WAPL: variants seen among roughly 807,000 people sequenced by gnomAD.
WAPL encodes the protein WAPL cohesin release factor.
WAPL carries 5 observed loss-of-function variants against 121.0 expected under a neutral mutation model. The ratio of observed to expected loss-of-function variants is 0.04; its 90% CI spans 0.02 to 0.09. WAPL has a LOEUF of 0.09. Among genes scored for constraint, WAPL ranks in the 10% least tolerant of loss-of-function variants. The probability of loss-of-function intolerance (pLI) is 1.00; values close to 1 mark genes in which losing one functional copy is unlikely to be tolerated. For missense variants in WAPL, 999 were observed against 1,410.8 expected (o/e 0.71, Z 4.68); for synonymous variants, 480 against 481.5 (o/e 1.00, Z 0.04).
At position 86,437,810 on chromosome 10, in the gene WAPL, T is replaced by G. The variant is rs183694385; in HGVS notation, c.3507+110A>C. ...AGAAATAGAACACGATTATTAAAATTAAAAGAAAATCCCTTTTTGCTCCCA... is the reference window on the plus strand; with the variant it reads ...AGAAATAGAACACGATTATTAAAATGAAAAGAAAATCCCTTTTTGCTCCCA... On this transcript the variant is annotated intron_variant, in intron 18 of 18. Transcript: ENST00000298767. The G allele has an allele frequency of 5.0e-4, 507 of 1,010,938 alleles. No individual in the cohort carries two copies. In the African/African-American group the frequency reaches 7.2e-3, roughly 14 times the overall value. 62.6% of individuals were successfully genotyped at this position (1,010,938 alleles called of 1,614,324 possible). A position where few individuals can be genotyped will look rare whatever the true frequency, so the allele number is the denominator to read the frequency against.
rs34758995 is a variant in WAPL, at chr10:86,441,573, GA to G, written c.3411+1701del. On this transcript the variant is annotated intron_variant, in intron 17 of 18. Coordinates refer to ENST00000298767, the MANE Select transcript of WAPL (RefSeq NM_015045.5). ...ATGTATTTCCAGCCAATGCACCTAT[GA>G]AAAAAAAAAAAAAACTATAGAGGAA... Among the ~76,000 whole-genome samples the G allele has an allele frequency of 5.3e-3, 716 of 135,614 alleles. 5 individuals carry two copies. Among genetic ancestry groups the G allele is most frequent in the Middle Eastern group, 0.012 (3 of 248 alleles). The allele number at this position is 135,614 out of a possible 152,430, so 89.0% of individuals were successfully genotyped here.
intron 12 of WAPL, among the ~76,000 whole-genome samples, chr10:86,457,327 TAAAAAAAA>T (rs10668599): frequency 2.7e-5 from 3 of 111,228 alleles, no homozygotes; most frequent in Admixed American, 9.5e-5. Flanking sequence ...CTGTATCTAT[TAAAAAAAA>T]AAAAAAAAAA....
intron 4 of WAPL, 28 bp from the exon 5 acceptor site, chr10:86,474,001 C>T (rs2132194670): frequency 6.4e-7 from 1 of 1,553,586 alleles, no homozygotes; most frequent in South Asian, 1.1e-5. Flanking sequence ...AGATCAACTG[C>T]TTCCATCCTT....
chr10:86,444,745 G>A (rs1849560392), intron 16 of WAPL, among the ~76,000 whole-genome samples: 1 of 152,018 alleles, frequency 6.6e-6, no homozygotes. Context: ...TTTGGAATTA[G>A]TGGTGATGGC....
intron 8 of WAPL, among the ~76,000 whole-genome samples, chr10:86,469,773 G>A (rs924297984): frequency 2.6e-5 from 4 of 152,146 alleles, no homozygotes; most frequent in African/African-American, 9.7e-5. Flanking sequence ...TGTTTATACA[G>A]CAAATTATTT....
At chr10:86,469,266 T>TTGAGAGGGAGTC (rs1841478044) in intron 8 of WAPL, among the ~76,000 whole-genome samples, 1 of 524 alleles carries the variant, frequency 1.9e-3, no homozygotes, top group African/African-American at 0.05. Flanking sequence ...TTTTTTTTTT[T>TTGAGAGGGAGTC]TTTTGAGACG....
chr10:86,478,993 G>C (rs1481708209), intron 4 of WAPL, among the ~76,000 whole-genome samples: 1 of 152,020 alleles, frequency 6.6e-6, no homozygotes, highest in African/African-American at 2.4e-5. Context: ...GCTACCCCGG[G>C]AGGCTGAGGA....
intron 2 of WAPL, among the ~76,000 whole-genome samples, chr10:86,503,475 G>A (rs369649306): frequency 1.3e-4 from 19 of 151,706 alleles, no homozygotes; most frequent in African/African-American, 3.9e-4. Context: ...AAACTTCGCC[G>A]GGTGTGGTGG....
At chr10:86,438,465 G>A (rs1476028367) in intron 17 of WAPL, among the ~76,000 whole-genome samples, 2 of 152,202 alleles carry the variant, frequency 1.3e-5, no homozygotes, top group African/African-American at 4.8e-5. Context: ...TGTTGGCCAG[G>A]CTGGTCTCGA....
chr10:86,514,927 C>T (rs909657999), intron 2 of WAPL, among the ~76,000 whole-genome samples: 3 of 152,124 alleles, frequency 2.0e-5, no homozygotes, highest in African/African-American at 7.2e-5. Context: ...TTACTTCCTC[C>T]GGCCCACCCA....
chr10:86,489,885 G>GAAA (rs11429174), intron 4 of WAPL, among the ~76,000 whole-genome samples: 4,435 of 135,416 alleles, frequency 0.033, 211 homozygotes, highest in African/African-American at 0.094. Context: ...GTTTTGCCTT[G>GAAA]AAAAAAAAAA....
chr10:86,445,848 C>T (rs1365278241), intron 16 of WAPL, among the ~76,000 whole-genome samples: 1 of 152,124 alleles, frequency 6.6e-6, no homozygotes, highest in Non-Finnish European at 1.5e-5. Flanking sequence ...CCATCTAGTA[C>T]TTACACTTTG....
chr10:86,485,013 G>A (rs1841897206), intron 4 of WAPL, among the ~76,000 whole-genome samples: 5 of 151,894 alleles, frequency 3.3e-5, no homozygotes, highest in Admixed American at 2.6e-4. Flanking sequence ...AGGCACACAC[G>A]CATGTGCGTG....
At chr10:86,474,262 C>G (rs1056823084) in intron 4 of WAPL, among the ~76,000 whole-genome samples, 1 of 152,110 alleles carries the variant, frequency 6.6e-6, no homozygotes, top group Non-Finnish European at 1.5e-5. Context: ...ACCTGCAATC[C>G]CAGCACTTTG....
At chr10:86,510,106 G>A (rs1480087512) in intron 2 of WAPL, among the ~76,000 whole-genome samples, 6 of 119,208 alleles carry the variant, frequency 5.0e-5, no homozygotes, top group Non-Finnish European at 9.6e-5. Context: ...ACAGAGTCTC[G>A]TTCTGTTGCC....
chr10:86,520,313 GATA>G (rs754434802), intron 1 of WAPL, among the ~76,000 whole-genome samples: 19 of 152,036 alleles, frequency 1.2e-4, no homozygotes, highest in Non-Finnish European at 2.4e-4. Context: ...TAATAATAAT[GATA>G]ATAATAATTT....
chr10:86,474,053 T>C (rs777427614), intron 4 of WAPL, 80 bp from the exon 5 acceptor site: 43 of 1,110,880 alleles, frequency 3.9e-5, no homozygotes, highest in African/African-American at 6.2e-5. Context: ...ATAATTTATA[T>C]GCATAAACAT....
intron 17 of WAPL, among the ~76,000 whole-genome samples, chr10:86,439,367 G>T (rs183181037): frequency 7.2e-5 from 11 of 152,264 alleles, no homozygotes; most frequent in Non-Finnish European, 1.5e-4. Context: ...AGTGGCTAAG[G>T]TGTCTCTGGA....
intron 15 of WAPL, among the ~76,000 whole-genome samples, chr10:86,447,876 C>A (rs1231641706): frequency 1.3e-5 from 2 of 151,778 alleles, no homozygotes; most frequent in Middle Eastern, 3.2e-3. Context: ...ACAGTGAAAC[C>A]ACCTCTACTA....
Sources: allele counts gnomAD v4.1 joint callset (sites outside exome capture counted in the v4.1 genomes callset), GRCh38; gene constraint gnomAD v4.1.1; transcripts MANE v1.5; gene names NCBI Gene and HGNC (gene_info 2026-07-23, HGNC 2026-07-21).